The following ELOVL2 variants were observed in gnomAD, a reference collection of about 807,000 sequenced individuals.
The protein encoded by ELOVL2 is ELOVL fatty acid elongase 2, also known as very long chain fatty acid elongase 2.
In ELOVL2, 38 loss-of-function variants were observed where a neutral mutation model predicts 37.7. The observed-to-expected ratio is 1.01, with a 90% CI of 0.78 to 1.32. ELOVL2 has a LOEUF of 1.32. ELOVL2 is among the 40% of genes most tolerant of loss of function. The pLI is 0.00. For missense variants in ELOVL2, 352 were observed against 363.6 expected, an observed-to-expected ratio of 0.97 and a Z score of 0.26; for synonymous variants, 115 against 122.3, an observed-to-expected ratio of 0.94 and a Z score of 0.40.
At chr6:11,030,837 TA>T (rs1189726566) in intron 1 of ELOVL2, among the ~76,000 whole-genome samples, 2 of 152,176 alleles carry the variant, frequency 1.3e-5, no homozygotes, top group East Asian at 1.9e-4. Context: ...TACTGGGCAC[TA>T]AGAAATGAAA....
intron 3 of ELOVL2, among the ~76,000 whole-genome samples, chr6:11,002,480 C>G (rs1782404382): frequency 6.6e-6 from 1 of 152,166 alleles, no homozygotes; most frequent in Non-Finnish European, 1.5e-5. Flanking sequence ...CAAAGAAGAC[C>G]TTTTGCCTGC....
At chr6:11,014,847 T>G (rs1250479489) in intron 1 of ELOVL2, among the ~76,000 whole-genome samples, 1 of 152,262 alleles carries the variant, frequency 6.6e-6, no homozygotes, top group Admixed American at 6.5e-5. Context: ...CTTTTCTTTT[T>G]TTACCTAGTT....
At chr6:11,043,475 C>CACACACACACACAA (rs1186461029) in intron 1 of ELOVL2, 2 of 153,836 alleles carry the variant, frequency 1.3e-5, no homozygotes, top group African/African-American at 4.9e-5. Flanking sequence ...TGAACACACA[C>CACACACACACACAA]ACACACACAC....
intron 1 of ELOVL2, among the ~76,000 whole-genome samples, chr6:11,031,329 T>A (rs949668418): frequency 3.9e-5 from 6 of 152,232 alleles, no homozygotes; most frequent in Non-Finnish European, 7.3e-5. Context: ...GGGAATACAT[T>A]TTTATTTGAA....
chr6:11,028,224 C>T (rs907599773), intron 1 of ELOVL2, among the ~76,000 whole-genome samples: 1 of 152,148 alleles, frequency 6.6e-6, no homozygotes, highest in Non-Finnish European at 1.5e-5. Flanking sequence ...GATTTGGTTT[C>T]TAGCTTTAGA....
intron 1 of ELOVL2, among the ~76,000 whole-genome samples, chr6:11,029,105 G>A (rs1465602788): frequency 6.8e-6 from 1 of 146,246 alleles, no homozygotes; most frequent in Admixed American, 6.8e-5. Flanking sequence ...GCACATGCCT[G>A]TAGTCCTAGC....
intron 4 of ELOVL2, among the ~76,000 whole-genome samples, chr6:10,997,825 G>A (rs1019239506): frequency 1.3e-5 from 2 of 152,178 alleles, no homozygotes; most frequent in Non-Finnish European, 2.9e-5. Flanking sequence ...CAGGTATTGA[G>A]TCGTCATTAT....
intron 7 of ELOVL2, among the ~76,000 whole-genome samples, chr6:10,987,774 GT>G (rs1262791325): frequency 1.3e-5 from 2 of 152,110 alleles, no homozygotes; most frequent in Non-Finnish European, 2.9e-5. Flanking sequence ...AATAATTCAA[GT>G]GGAAAAAGTG....
In ELOVL2 at chr6:10,990,076, T is replaced by C. The variant is rs141269828; in HGVS notation, c.631-239A>G. Among the ~76,000 whole-genome samples the C allele has an allele frequency of 7.9e-3, 1,200 of 152,350 alleles. 18 individuals are homozygous for C. The highest frequency in any genetic ancestry group is 0.027 in the African/African-American group (1,117 of 41,572). ...TAAAATTATTTAGACAAAAAGGATT[T>C]AACTTACACATTAATTTGAAAAGTA... On this transcript the variant is annotated intron_variant, in intron 6 of 7. Transcript: ENST00000354666.
intron 5 of ELOVL2, among the ~76,000 whole-genome samples, chr6:10,990,677 C>T (rs1022983749): frequency 1.3e-5 from 2 of 151,806 alleles, no homozygotes; most frequent in Non-Finnish European, 2.9e-5. Context: ...GCCCCCCCCC[C>T]GCCACACAGG....
intron 1 of ELOVL2, among the ~76,000 whole-genome samples, chr6:11,016,157 T>TCC (rs1373617400): frequency 6.6e-5 from 10 of 152,262 alleles, no homozygotes; most frequent in African/African-American, 1.2e-4. Flanking sequence ...ATTTCCTTCT[T>TCC]CCTTCTTCCC....
chr6:11,017,799 T>C (rs1285229970), intron 1 of ELOVL2, among the ~76,000 whole-genome samples: 1 of 152,212 alleles, frequency 6.6e-6, no homozygotes, highest in Non-Finnish European at 1.5e-5. Flanking sequence ...GCCTGTTAAT[T>C]TGTGTATTGG....
At chr6:10,997,754 T>C (rs1164372067) in intron 4 of ELOVL2, among the ~76,000 whole-genome samples, 4 of 152,202 alleles carry the variant, frequency 2.6e-5, no homozygotes, top group African/African-American at 4.8e-5. Context: ...TCCTACTGCC[T>C]CACATCAGGA....
At chr6:11,007,561 G>C (rs1782501137) in intron 2 of ELOVL2, among the ~76,000 whole-genome samples, 1 of 152,184 alleles carries the variant, frequency 6.6e-6, no homozygotes, top group South Asian at 2.1e-4. Context: ...CTGACACCTT[G>C]ATTTCAGACT....
At position 11,021,893 on chromosome 6, in the gene ELOVL2, G is replaced by A. The variant is rs114569550; in HGVS notation, c.4-11084C>T. 1.6e-3 allele frequency among the ~76,000 whole-genome samples: 250 copies of A among 152,288 alleles called. 2 individuals carry two copies. The highest frequency in any genetic ancestry group is 5.6e-3 in the African/African-American group (233 of 41,548). The stretch of plus-strand genomic sequence containing the variant: ...CCCTTTGTGCGAGAACCTGAGCTAC[G>A]CTTGAGAGGGAGCTCATCCTAAGGA... On this transcript the variant is annotated intron_variant, in intron 1 of 7. Transcript: ENST00000354666.
At chr6:11,004,410 G>C (rs1225819386) in intron 3 of ELOVL2, among the ~76,000 whole-genome samples, 1 of 144,044 alleles carries the variant, frequency 6.9e-6, no homozygotes, top group African/African-American at 2.7e-5. Context: ...TGTTCTCTTT[G>C]TCCCTCTTTT....
At chr6:11,002,962 A>G (rs898226341) in intron 3 of ELOVL2, among the ~76,000 whole-genome samples, 2 of 152,198 alleles carry the variant, frequency 1.3e-5, no homozygotes, top group African/African-American at 2.4e-5. Context: ...TGCCTTATAG[A>G]TAAGTTGCCT....
At chr6:11,002,914 A>C (rs1782415812) in intron 3 of ELOVL2, among the ~76,000 whole-genome samples, 1 of 152,226 alleles carries the variant, frequency 6.6e-6, no homozygotes, top group South Asian at 2.1e-4. Flanking sequence ...AATCCTTACA[A>C]GTCACTCAAG....
At chr6:11,024,782 C>A (rs950087825) in intron 1 of ELOVL2, among the ~76,000 whole-genome samples, 5 of 152,186 alleles carry the variant, frequency 3.3e-5, no homozygotes, top group African/African-American at 1.2e-4. Flanking sequence ...GTACAAATTT[C>A]TCAAAAGTAA....
Sources: gnomAD v4.1 joint callset for allele counts (sites outside exome capture counted in the v4.1 genomes callset) on GRCh38, gnomAD v4.1.1 for gene constraint, MANE v1.5 for transcripts, NCBI Gene and HGNC (gene_info 2026-07-23, HGNC 2026-07-21) for gene names.